Variants in FUT8 observed in about 807,000 individuals in gnomAD.
FUT8 encodes alpha-(1,6)-fucosyltransferase.
A neutral mutation model predicts 71.3 loss-of-function variants in FUT8; 29 were observed. The observed-to-expected ratio is 0.41, with a 90% CI of 0.30 to 0.55. FUT8 has a LOEUF of 0.55. Among genes scored for constraint, FUT8 ranks in the 20% least tolerant of loss-of-function variants. The probability of loss-of-function intolerance (pLI) is 0.34; values close to 1 mark genes in which losing one functional copy is unlikely to be tolerated. For missense variants in FUT8, 544 were observed against 702.1 expected (o/e 0.77, Z 2.55); for synonymous variants, 254 against 239.3 (o/e 1.06, Z -0.57).
chr14:65,464,259 GTT>G (rs3084724), intron 2 of FUT8, among the ~76,000 whole-genome samples: 11 of 116,536 alleles, frequency 9.4e-5, no homozygotes, highest in East Asian at 5.3e-4. Context: ...AGTACTTTGG[GTT>G]TTTTTTTTTT....
At chr14:65,703,361 CT>C (rs777257542) in intron 7 of FUT8, among the ~76,000 whole-genome samples, 4 of 152,162 alleles carry the variant, frequency 2.6e-5, no homozygotes, top group Non-Finnish European at 5.9e-5. Flanking sequence ...CTTCATAGTT[CT>C]TTTTCTTCAT....
chr14:65,701,648 C>T (rs1186951385), intron 7 of FUT8, among the ~76,000 whole-genome samples: 3 of 152,032 alleles, frequency 2.0e-5, no homozygotes, highest in Admixed American at 2.0e-4. Flanking sequence ...TTTGGGGATC[C>T]CAGTATGAAC....
intron 1 of FUT8, among the ~76,000 whole-genome samples, chr14:65,422,008 T>C (rs1443359859): frequency 6.6e-6 from 1 of 152,098 alleles, no homozygotes; most frequent in Non-Finnish European, 1.5e-5. Context: ...GTGTACTGTG[T>C]CCAGTGATCC....
chr14:65,659,709 G>A lies in FUT8; in HGVS notation c.598-9534G>A, dbSNP rs371099686. On this transcript the variant is annotated intron_variant, in intron 6 of 10. Transcript: ENST00000673929. ...CTTCCCCTTTCTGTCCTCTTCTCTC[G>A]TCCGCCTTTCTTCCCCTCTGTTCTC... 7.9e-5 allele frequency among the ~76,000 whole-genome samples: 12 copies of A among 150,954 alleles called. No homozygotes were observed. The East Asian group carries it at 2.1e-3, about 27-fold the overall frequency.
chr14:65,619,777 A>G (rs1359713942), intron 5 of FUT8, among the ~76,000 whole-genome samples: 3 of 152,224 alleles, frequency 2.0e-5, no homozygotes, highest in South Asian at 2.1e-4. Context: ...TAGTGATTGC[A>G]TATGACCATT....
intron 3 of FUT8, among the ~76,000 whole-genome samples, chr14:65,609,121 C>T (rs965403767): frequency 6.6e-6 from 1 of 151,554 alleles, no homozygotes; most frequent in Admixed American, 6.6e-5. Flanking sequence ...ATGGCAAAAC[C>T]CCGTCTCTAC....
intron 1 of FUT8, among the ~76,000 whole-genome samples, chr14:65,426,450 C>G (rs1566739761): frequency 6.6e-6 from 1 of 151,718 alleles, no homozygotes; most frequent in Non-Finnish European, 1.5e-5. Context: ...GGAAACAGAC[C>G]CAAAGATACA....
chr14:65,448,087 T>C (rs944920240), intron 1 of FUT8, among the ~76,000 whole-genome samples: 2 of 152,218 alleles, frequency 1.3e-5, no homozygotes, highest in Non-Finnish European at 2.9e-5. Flanking sequence ...CCCTGACCTG[T>C]TGATTCTATC....
intron 3 of FUT8, among the ~76,000 whole-genome samples, chr14:65,614,663 A>C (rs902901925): frequency 1.3e-5 from 2 of 152,176 alleles, no homozygotes; most frequent in Non-Finnish European, 2.9e-5. Flanking sequence ...TCCATCTTCA[A>C]AGCTAACAGC....
chr14:65,693,883 T>A (rs546620120), intron 7 of FUT8, among the ~76,000 whole-genome samples: 1 of 152,350 alleles, frequency 6.6e-6, no homozygotes, highest in South Asian at 2.1e-4. Context: ...AGAGACCTAT[T>A]CAGATTACCA....
the FUT8 span, among the ~76,000 whole-genome samples, chr14:65,363,235 CCTCA>C: frequency 1.9e-5 from 1 of 51,304 alleles, no homozygotes; most frequent in Non-Finnish European, 8.9e-5. Flanking sequence ...GATTCTCATG[CCTCA>C]GCCTCCTGAG....
chr14:65,522,746 C>T (rs892116843), intron 2 of FUT8, among the ~76,000 whole-genome samples: 10 of 139,468 alleles, frequency 7.2e-5, no homozygotes, highest in East Asian at 4.8e-4. Flanking sequence ...CAACAGGCCC[C>T]GGTGTGTGAT....
the FUT8 span, among the ~76,000 whole-genome samples, chr14:65,401,818 G>A: frequency 2.0e-5 from 3 of 150,874 alleles, no homozygotes; most frequent in Admixed American, 6.6e-5. Context: ...ACTTGAACTC[G>A]GGAGACAGAG....
At chr14:65,477,135 A>G (rs1412288421) in intron 2 of FUT8, among the ~76,000 whole-genome samples, 2 of 152,200 alleles carry the variant, frequency 1.3e-5, no homozygotes, top group African/African-American at 4.8e-5. Context: ...CCTAGAGAGC[A>G]CATAAGCTGT....
At chr14:65,570,851 CTT>C (rs1886430377) in intron 3 of FUT8, among the ~76,000 whole-genome samples, 1 of 152,124 alleles carries the variant, frequency 6.6e-6, no homozygotes, top group Non-Finnish European at 1.5e-5. Context: ...GAAAACCTGA[CTT>C]AGGAGTATGC....
chr14:65,641,606 T>C (rs1159577005), intron 6 of FUT8, among the ~76,000 whole-genome samples: 1 of 152,212 alleles, frequency 6.6e-6, no homozygotes, highest in Non-Finnish European at 1.5e-5. Flanking sequence ...CAAAAGTGAT[T>C]GTGCCATTTT....
At chr14:65,740,799 GC>G (rs1185106812) in intron 10 of FUT8, among the ~76,000 whole-genome samples, 1 of 151,876 alleles carries the variant, frequency 6.6e-6, no homozygotes, top group East Asian at 1.9e-4. Context: ...CTCCCACCAG[GC>G]CCCATCTCCA....
intron 7 of FUT8, among the ~76,000 whole-genome samples, chr14:65,707,262 C>T (rs76359281): frequency 0.04 from 6,029 of 152,150 alleles, 291 homozygotes; most frequent in African/African-American, 0.12. Flanking sequence ...GATTAAAGAG[C>T]ATTTTTTTCC....
chr14:65,736,519 A>G lies in FUT8; in HGVS notation c.1410+3138A>G, dbSNP rs371999501. On this transcript the variant is annotated intron_variant, in intron 10 of 10. Transcript: ENST00000673929. Reference sequence around the variant, plus strand: ...TTCTCTGGGCCAATGTACCACCTCAACTTCATTTTGTTTAGCTTATTGAAA... The same window carrying G: ...TTCTCTGGGCCAATGTACCACCTCAGCTTCATTTTGTTTAGCTTATTGAAA... 1.3e-4 allele frequency among the ~76,000 whole-genome samples: 19 copies of G among 151,872 alleles called. 3 individuals are homozygous for G. The highest frequency in any genetic ancestry group is 4.1e-4 in the African/African-American group (17 of 41,436).
Sources: gnomAD v4.1 joint callset for allele counts (sites outside exome capture counted in the v4.1 genomes callset) on GRCh38, gnomAD v4.1.1 for gene constraint, MANE v1.5 for transcripts, NCBI Gene and HGNC (gene_info 2026-07-23, HGNC 2026-07-21) for gene names.